ACO2: variants seen among roughly 807,000 people sequenced by gnomAD.
The protein encoded by ACO2 is aconitate hydratase, mitochondrial.
A neutral mutation model predicts 84.5 loss-of-function variants in ACO2; 31 were observed. The ratio of observed to expected loss-of-function variants is 0.37; its 90% CI spans 0.28 to 0.50. ACO2 has a LOEUF of 0.50. Ranked by LOEUF, ACO2 falls within the 20% of genes least tolerant of loss-of-function variation. ACO2 has a pLI of 0.97. For missense variants in ACO2, 685 were observed against 1,029.3 expected (o/e 0.67, Z 4.58); for synonymous variants, 414 against 412.7 (o/e 1.00, Z -0.04).
At chr22:41,521,931 C>A (rs943600264) in intron 9 of ACO2, among the ~76,000 whole-genome samples, 1 of 152,200 alleles carries the variant, frequency 6.6e-6, no homozygotes, top group African/African-American at 2.4e-5. Context: ...GCCACCATGC[C>A]TGGCTAATTT....
At chr22:41,480,368 T>C (rs2038072426) in intron 1 of ACO2, among the ~76,000 whole-genome samples, 1 of 151,884 alleles carries the variant, frequency 6.6e-6, no homozygotes, top group South Asian at 2.1e-4. Context: ...GTTGGGTGAG[T>C]GTGTTAGGCA....
At chr22:41,469,497 C>T (rs2074794157) in intron 1 of ACO2, 3 of 359,854 alleles carry the variant, frequency 8.3e-6, no homozygotes, top group Admixed American at 4.8e-5. Context: ...GGGTGTGTTT[C>T]CATTCCTCAA....
chr22:41,512,028 C>T (rs1487919278), intron 4 of ACO2, 60 bp downstream of exon 4: 24 of 1,412,590 alleles, frequency 1.7e-5, no homozygotes, highest in Non-Finnish European at 2.3e-5. Context: ...TGTTCCAGGC[C>T]TATGGGGGGA....
chr22:41,478,821 C>T (rs2038052162), intron 1 of ACO2, among the ~76,000 whole-genome samples: 2 of 145,626 alleles, frequency 1.4e-5, no homozygotes, highest in Admixed American at 1.4e-4. Context: ...AGCTGGAGTG[C>T]AGTGAGTGAC....
chr22:41,501,749 T>C (rs568096268), intron 2 of ACO2, among the ~76,000 whole-genome samples: 1 of 152,290 alleles, frequency 6.6e-6, no homozygotes, highest in South Asian at 2.1e-4. Flanking sequence ...TCTAGTACTC[T>C]AACCACTACC....
At chr22:41,484,545 A>AT (rs999720452) in intron 1 of ACO2, among the ~76,000 whole-genome samples, 12 of 150,598 alleles carry the variant, frequency 8.0e-5, no homozygotes, top group South Asian at 4.2e-4. Flanking sequence ...AATTCTGGTA[A>AT]TTTTTTTTTT....
intron 17 of ACO2, 63 bp from the exon 18 acceptor site, chr22:41,528,416 C>T (rs1009923503): frequency 6.3e-7 from 1 of 1,584,516 alleles, no homozygotes; most frequent in African/African-American, 1.3e-5. Context: ...TCCCTGACCC[C>T]CCTGCGGGGC....
At chr22:41,501,593 G>C (rs2066354141) in intron 2 of ACO2, among the ~76,000 whole-genome samples, 1 of 152,192 alleles carries the variant, frequency 6.6e-6, no homozygotes, top group Non-Finnish European at 1.5e-5. Flanking sequence ...GCCCTTGCCT[G>C]CCTGGTGGCT....
chr22:41,526,061 G>A (rs988514073), intron 14 of ACO2: 24 of 536,854 alleles, frequency 4.5e-5, no homozygotes, highest in Non-Finnish European at 7.9e-5. Context: ...GCCTTTGAGG[G>A]GATGAAGGCC....
chr22:41,498,098 C>G (rs556383560), intron 1 of ACO2, among the ~76,000 whole-genome samples: 3 of 152,156 alleles, frequency 2.0e-5, no homozygotes, highest in African/African-American at 7.2e-5. Context: ...GAGCTGAGAT[C>G]GCTCCACTGC....
chr22:41,504,523 C>T (rs2066377747), intron 2 of ACO2, among the ~76,000 whole-genome samples: 1 of 152,058 alleles, frequency 6.6e-6, no homozygotes, highest in South Asian at 2.1e-4. Flanking sequence ...TTTTTAAGCC[C>T]ATGTGCTATT....
At chr22:41,476,968 G>A (rs1367712589) in intron 1 of ACO2, among the ~76,000 whole-genome samples, 3 of 151,556 alleles carry the variant, frequency 2.0e-5, no homozygotes, top group African/African-American at 7.3e-5. Context: ...GGCCAACATG[G>A]TGAAACTCTG....
intron 16 of ACO2, 28 bp from the exon 17 acceptor site, chr22:41,527,873 C>G (rs201627918): frequency 5.5e-5 from 88 of 1,613,942 alleles, no homozygotes; most frequent in Non-Finnish European, 7.2e-5. Flanking sequence ...GTCAGGCCCC[C>G]GATGACCGAA....
chr22:41,498,004 C>T (rs1601899455), intron 1 of ACO2, among the ~76,000 whole-genome samples: 1 of 149,344 alleles, frequency 6.7e-6, no homozygotes, highest in South Asian at 2.1e-4. Flanking sequence ...ATTAGCTGGG[C>T]ATGGTGGTGG....
intron 15 of ACO2, 49 bp from the exon 16 acceptor site, chr22:41,527,239 G>A: frequency 6.2e-7 from 1 of 1,613,674 alleles, no homozygotes; most frequent in Non-Finnish European, 8.5e-7. Flanking sequence ...AGACAGGTGA[G>A]GACGGTGCCC....
Position 41,527,302 on chromosome 22 carries a change from G to A in ACO2, c.1968G>A (p.Arg656=), listed in dbSNP as rs377371545. The change falls in exon 16 of 18, where the codon AGG becomes AGA. Residue 656 remains arginine (R), a synonymous_variant. Coordinates refer to ENST00000216254, the MANE Select transcript of ACO2 (RefSeq NM_001098.3). ...TARYYKKHGI[R]WVVIGDENYG... is the part of the protein sequence containing the mutation. ...TTGCCTGACAGAAACATGGCATCAG[G>A]TGGGTGGTGATCGGAGACGAGAACT... The A allele has an allele frequency of 6.2e-6, 10 of 1,614,076 alleles. No individual in the cohort carries two copies. In the African/African-American group the frequency reaches 1.2e-4, roughly 19 times the overall value.
chr22:41,515,697 G>T lies in ACO2; in HGVS notation c.685-70G>T, dbSNP rs557713361. ...AAGCAGCAATGTGAATGGCAGCAGG[G>T]CCATCCTGACTTCGTGGCTGGCACA... On this transcript the variant is annotated intron_variant, in intron 5 of 17. Coordinates refer to ENST00000216254, the MANE Select transcript of ACO2 (RefSeq NM_001098.3). The surrounding 1 kb of genome is among the most constrained non-coding windows in gnomAD (Gnocchi z 5.8). 5 of 1,608,784 alleles carry T rather than the reference G, an allele frequency of 3.1e-6. No individual in the cohort carries two copies. In the African/African-American group the frequency reaches 5.3e-5, roughly 17 times the overall value.
chr22:41,524,338 G>C (rs1382968978), intron 12 of ACO2, among the ~76,000 whole-genome samples: 1 of 152,232 alleles, frequency 6.6e-6, no homozygotes, highest in Non-Finnish European at 1.5e-5. Flanking sequence ...CAAAAGCGAG[G>C]CCTTTGCCAT....
rs2066536683 is a variant in ACO2 at position 41,522,699 on chromosome 22, T to C, written c.1139-131T>C. 6.0e-6 allele frequency: 6 copies of C among 1,003,968 alleles called. No individual in the cohort carries two copies. The South Asian group carries it at 8.4e-5, about 14-fold the overall frequency. 62.2% of individuals were successfully genotyped at this position (1,003,968 alleles called of 1,614,324 possible). On this transcript the variant is annotated intron_variant, in intron 9 of 17. Transcript: ENST00000216254. ...ATTTCGGTTGCTTGCAACTGGTCTC[T>C]GTTAAAAAAGTCTCTGGCCCAGCCC...
Sources: allele counts gnomAD v4.1 joint callset (sites outside exome capture counted in the v4.1 genomes callset), GRCh38; gene constraint gnomAD v4.1.1; non-coding constraint Gnocchi (gnomAD v3.1); transcripts MANE v1.5; gene names NCBI Gene and HGNC (gene_info 2026-07-23, HGNC 2026-07-21).